The following ETS1 variants were observed in gnomAD, a reference collection of about 807,000 sequenced individuals.
The protein encoded by ETS1 is protein C-ets-1.
In ETS1, 15 loss-of-function variants were observed where a neutral mutation model predicts 58.6. The ratio of observed to expected loss-of-function variants is 0.26; its 90% CI spans 0.17 to 0.39. The LOEUF (loss-of-function observed/expected upper bound fraction) is 0.39, where lower values mean the gene tolerates loss of function less well. Ranked by LOEUF, ETS1 falls within the 10% of genes least tolerant of loss-of-function variation. The probability of loss-of-function intolerance (pLI) is 1.00; values close to 1 mark genes in which losing one functional copy is unlikely to be tolerated. For missense variants in ETS1, 417 were observed against 610.5 expected, an observed-to-expected ratio of 0.68 and a Z score of 3.34; for synonymous variants, 214 against 218.2, an observed-to-expected ratio of 0.98 and a Z score of 0.17.
intron 3 of ETS1, among the ~76,000 whole-genome samples, chr11:128,530,545 T>C (rs770437857): frequency 4.6e-5 from 7 of 152,134 alleles, no homozygotes; most frequent in Non-Finnish European, 7.4e-5. Flanking sequence ...TGGAAACGTG[T>C]TTCATCAGAA....
intron 1 of ETS1, among the ~76,000 whole-genome samples, chr11:128,574,895 A>T (rs1027203457): frequency 7.2e-5 from 11 of 152,362 alleles, no homozygotes; most frequent in African/African-American, 2.4e-4. Flanking sequence ...CCACAATCAA[A>T]TTCCCTAGGG....
chr11:128,472,064 T>C (rs1407883698), intron 8 of ETS1, among the ~76,000 whole-genome samples: 1 of 152,198 alleles, frequency 6.6e-6, no homozygotes, highest in Non-Finnish European at 1.5e-5. Flanking sequence ...GTGTGTTGAA[T>C]AGCAAAACAC....
chr11:128,579,238 C>T (rs543506714), intron 1 of ETS1, among the ~76,000 whole-genome samples: 1 of 152,294 alleles, frequency 6.6e-6, no homozygotes, highest in Non-Finnish European at 1.5e-5. Flanking sequence ...CCCAGCCTTT[C>T]CTCTTTGAAA....
intron 3 of ETS1, among the ~76,000 whole-genome samples, chr11:128,555,883 G>T (rs560343160): frequency 1.9e-4 from 29 of 152,316 alleles, no homozygotes; most frequent in African/African-American, 6.0e-4. Flanking sequence ...GGACAGAGAG[G>T]CCAGGAACAA....
intron 7 of ETS1, among the ~76,000 whole-genome samples, chr11:128,484,224 G>A (rs1430709779): frequency 6.6e-5 from 10 of 152,202 alleles, no homozygotes; most frequent in Middle Eastern, 3.4e-3. Context: ...GGCCACCTCC[G>A]TCCCTGGTCC....
chr11:128,535,494 CTT>C (rs1262730357), intron 3 of ETS1, among the ~76,000 whole-genome samples: 1 of 152,152 alleles, frequency 6.6e-6, no homozygotes, highest in African/African-American at 2.4e-5. Context: ...GTCATGAAAT[CTT>C]TGCCCGTGCC....
chr11:128,561,662 G>C (rs750823472), intron 2 of ETS1, among the ~76,000 whole-genome samples: 9 of 152,190 alleles, frequency 5.9e-5, no homozygotes, highest in Non-Finnish European at 1.0e-4. Context: ...TTGGTCATAG[G>C]AGATGAAGAG....
At chr11:128,505,695 C>T (rs1388300159) in intron 3 of ETS1, among the ~76,000 whole-genome samples, 1 of 152,146 alleles carries the variant, frequency 6.6e-6, no homozygotes, top group Non-Finnish European at 1.5e-5. Flanking sequence ...CAATGGGTGG[C>T]GAGCAGACAA....
chr11:128,489,071 T>C (rs776735061), intron 5 of ETS1, among the ~76,000 whole-genome samples: 13 of 152,174 alleles, frequency 8.5e-5, no homozygotes, highest in Non-Finnish European at 1.9e-4. Flanking sequence ...TTGCTGAAGA[T>C]TAATATCTGA....
intron 2 of ETS1, among the ~76,000 whole-genome samples, chr11:128,566,782 C>CAAA (rs1160160715): frequency 9.7e-6 from 1 of 102,802 alleles, no homozygotes; most frequent in African/African-American, 3.6e-5. Context: ...GACACCGTCT[C>CAAA]AAAAAAAAAA....
intron 2 of ETS1, among the ~76,000 whole-genome samples, chr11:128,572,679 G>A (rs188322895): frequency 7.7e-4 from 117 of 152,100 alleles, no homozygotes; most frequent in Middle Eastern, 3.4e-3. Context: ...TTGCATTATT[G>A]GCTTTTTATG....
At position 128,484,916 on chromosome 11, in the gene ETS1, G is replaced by T. The variant is rs1431628654; in HGVS notation, c.769C>A (p.Pro257Thr). The change falls in exon 7 of 10, where the codon CCT becomes ACT. Residue 257 changes from proline to threonine, a missense_variant. Physicochemically the swap from Pro to Thr is conservative, Grantham distance 38. Coordinates refer to ENST00000392668, the MANE Select transcript of ETS1 (RefSeq NM_001143820.2). ...NDYPSVILRDPLQTDTLQNDY... is the reference protein window; with the variant it reads ...NDYPSVILRDTLQTDTLQNDY... The stretch of plus-strand genomic sequence containing the variant: ...TTCTGCAAGGTGTCTGTCTGGAGAG[G>T]GTCTCGGAGAATGACCGAGGGGTAG... 6.2e-7 allele frequency: 1 copy of T among 1,613,956 alleles called. No individual in the cohort carries two copies. The highest frequency in any genetic ancestry group is 1.1e-5 in the South Asian group (1 of 91,072).
At chr11:128,539,911 A>T (rs1204919974) in intron 3 of ETS1, among the ~76,000 whole-genome samples, 1 of 152,232 alleles carries the variant, frequency 6.6e-6, no homozygotes, top group Non-Finnish European at 1.5e-5. Flanking sequence ...AGAATAGGCA[A>T]ATTTATAAAG....
intron 1 of ETS1, among the ~76,000 whole-genome samples, chr11:128,579,390 G>T (rs186423938): frequency 6.6e-6 from 1 of 152,094 alleles, no homozygotes; most frequent in African/African-American, 2.4e-5. Context: ...GGCTGGGCTC[G>T]GTGGCTCACG....
intron 3 of ETS1, among the ~76,000 whole-genome samples, chr11:128,553,576 C>T (rs575308741): frequency 7.4e-4 from 113 of 152,156 alleles, no homozygotes; most frequent in African/African-American, 2.6e-3. Context: ...TTTGTCCAAT[C>T]GATTCCCGAC....
chr11:128,515,361 G>A (rs1049331961), intron 3 of ETS1, among the ~76,000 whole-genome samples: 1 of 152,026 alleles, frequency 6.6e-6, no homozygotes, highest in African/African-American at 2.4e-5. Flanking sequence ...GCTACCCAAA[G>A]CTACCAAGAG....
intron 2 of ETS1, among the ~76,000 whole-genome samples, chr11:128,560,889 A>G (rs761367956): frequency 2.0e-4 from 30 of 152,194 alleles, no homozygotes; most frequent in Non-Finnish European, 3.4e-4. Context: ...GGCTTCCTGC[A>G]GGAAGCAGAC....
chr11:128,505,412 C>T (rs945620875), intron 3 of ETS1: 1 of 152,212 alleles, frequency 6.6e-6, no homozygotes, highest in Non-Finnish European at 1.5e-5. Context: ...CAAATGCAGT[C>T]GGAATGCAGA....
chr11:128,585,225 A>G (rs71470652), intron 1 of ETS1, among the ~76,000 whole-genome samples: 2,317 of 62,774 alleles, frequency 0.037, 234 homozygotes, highest in East Asian at 0.09. Context: ...AAAGAAAGAA[A>G]GAAAGAAAGA....
Sources: allele counts gnomAD v4.1 joint callset (sites outside exome capture counted in the v4.1 genomes callset), GRCh38; gene constraint gnomAD v4.1.1; transcripts MANE v1.5; gene names NCBI Gene and HGNC (gene_info 2026-07-23, HGNC 2026-07-21).